PLGRKT: variants seen among roughly 807,000 people sequenced by gnomAD.
PLGRKT encodes plasminogen receptor (KT).
In PLGRKT, 22 loss-of-function variants were observed where a neutral mutation model predicts 18.5. The observed-to-expected ratio is 1.19, with a 90% CI of 0.85 to 1.70. The LOEUF (loss-of-function observed/expected upper bound fraction) is 1.70, where lower values mean the gene tolerates loss of function less well. Among genes scored for constraint, PLGRKT ranks in the 40% most tolerant of loss-of-function variants. PLGRKT has a pLI of 0.00. For synonymous variants in PLGRKT, 72 were observed against 52.8 expected, an observed-to-expected ratio of 1.36 and a Z score of -1.58; for missense variants, 235 against 174.4, an observed-to-expected ratio of 1.35 and a Z score of -1.96.
intron 3 of PLGRKT, among the ~76,000 whole-genome samples, chr9:5,406,318 A>C (rs1441198907): frequency 6.6e-6 from 1 of 152,194 alleles, no homozygotes; most frequent in African/African-American, 2.4e-5. Flanking sequence ...ACGTATGTTC[A>C]CTGCAGCACT....
At chr9:5,403,607 C>A (rs1276323143) in intron 3 of PLGRKT, among the ~76,000 whole-genome samples, 5 of 152,232 alleles carry the variant, frequency 3.3e-5, no homozygotes, top group African/African-American at 1.2e-4. Flanking sequence ...GATTGTTCTA[C>A]TAAAGCACAA....
chr9:5,372,674 G>A (rs142387339), intron 3 of PLGRKT, among the ~76,000 whole-genome samples: 4 of 152,254 alleles, frequency 2.6e-5, no homozygotes, highest in Non-Finnish European at 5.9e-5. Context: ...AGCTAATGTC[G>A]TCTCGAAGCT....
At chr9:5,401,060 T>C (rs1818144680) in intron 3 of PLGRKT, among the ~76,000 whole-genome samples, 1 of 151,906 alleles carries the variant, frequency 6.6e-6, no homozygotes, top group Non-Finnish European at 1.5e-5. Flanking sequence ...AAATTTTACT[T>C]TTTAAGGAAA....
rs747863307 is a variant in PLGRKT, at chr9:5,361,746, T to C, written c.212+12A>G. On this transcript the variant is annotated intron_variant, in intron 4 of 5. Coordinates refer to ENST00000223864, the MANE Select transcript of PLGRKT (RefSeq NM_018465.4). ...GTAAATGACTGAAGAAAATGTTAAA[T>C]AGCAAACATACCCAGCTGTTAAAGA... The C allele has an allele frequency of 5.0e-6, 8 of 1,590,772 alleles. No homozygotes were observed. The East Asian group carries it at 8.9e-5, about 18-fold the overall frequency.
intron 3 of PLGRKT, among the ~76,000 whole-genome samples, chr9:5,380,259 G>A (rs996666444): frequency 6.6e-6 from 1 of 151,704 alleles, no homozygotes; most frequent in Non-Finnish European, 1.5e-5. Context: ...CAGCTACTCG[G>A]GAGGCTGAGG....
chr9:5,433,270 G>A (rs149305033), intron 2 of PLGRKT, among the ~76,000 whole-genome samples: 5 of 148,356 alleles, frequency 3.4e-5, no homozygotes, highest in Admixed American at 2.0e-4. Flanking sequence ...TGGCCACCCC[G>A]TCTAGGAAGT....
At chr9:5,398,546 C>A (rs1818096059) in intron 3 of PLGRKT, among the ~76,000 whole-genome samples, 4 of 151,790 alleles carry the variant, frequency 2.6e-5, no homozygotes, top group Admixed American at 1.3e-4. Context: ...AATTTGATTT[C>A]TAAGTGAGTA....
In PLGRKT at chr9:5,362,581, A is replaced by G. The variant is rs141000380; in HGVS notation, c.82-693T>C. ...GAGAGTTATATTCTTGACAGAGAAAAGTGTTGTTGGCATTGTTGTTGATGT... is the reference window on the plus strand; with the variant it reads ...GAGAGTTATATTCTTGACAGAGAAAGGTGTTGTTGGCATTGTTGTTGATGT... On this transcript the variant is annotated intron_variant, in intron 3 of 5. Coordinates refer to ENST00000223864, the MANE Select transcript of PLGRKT (RefSeq NM_018465.4). 1.1e-4 allele frequency among the ~76,000 whole-genome samples: 17 copies of G among 152,280 alleles called. No homozygotes were observed. In the East Asian group the frequency reaches 2.3e-3, roughly 21 times the overall value.
At chr9:5,424,718 G>T (rs562588864) in intron 3 of PLGRKT, among the ~76,000 whole-genome samples, 1 of 130,316 alleles carries the variant, frequency 7.7e-6, no homozygotes, top group African/African-American at 3.3e-5. Flanking sequence ...GAGAGGGAGA[G>T]ACAGAGAGAG....
At position 5,393,460 on chromosome 9, in the gene PLGRKT, C is replaced by G. The variant is rs527343804; in HGVS notation, c.82-31572G>C. Among the ~76,000 whole-genome samples the G allele has an allele frequency of 4.3e-4, 65 of 151,894 alleles. 1 individual carries two copies. Among genetic ancestry groups the G allele is most frequent in the Admixed American group, 3.1e-3 (47 of 15,266 alleles). Reference sequence around the variant, plus strand: ...CCCAATATGGTAAGTGTAAATAATTCTAACAGTAATTTCTTGTTACTATAC... The same window carrying G: ...CCCAATATGGTAAGTGTAAATAATTGTAACAGTAATTTCTTGTTACTATAC... On this transcript the variant is annotated intron_variant, in intron 3 of 5. Coordinates refer to ENST00000223864, the MANE Select transcript of PLGRKT (RefSeq NM_018465.4).
intron 3 of PLGRKT, among the ~76,000 whole-genome samples, chr9:5,385,739 T>C (rs181877676): frequency 6.6e-6 from 1 of 151,858 alleles, no homozygotes; most frequent in African/African-American, 2.4e-5. Flanking sequence ...TGGTCTATTT[T>C]TGAGAGGCAA....
intron 3 of PLGRKT, among the ~76,000 whole-genome samples, chr9:5,409,232 G>A (rs912900732): frequency 2.0e-5 from 3 of 152,220 alleles, no homozygotes; most frequent in African/African-American, 7.2e-5. Flanking sequence ...CTGTGAGGGT[G>A]TTGCCAAAGG....
chr9:5,397,584 G>A (rs1475296221), intron 3 of PLGRKT, among the ~76,000 whole-genome samples: 1 of 151,660 alleles, frequency 6.6e-6, no homozygotes, highest in Non-Finnish European at 1.5e-5. Context: ...GATGGAGGGT[G>A]GGGGAAAGAA....
At chr9:5,381,363 C>G (rs1317613225) in intron 3 of PLGRKT, among the ~76,000 whole-genome samples, 1 of 152,238 alleles carries the variant, frequency 6.6e-6, no homozygotes, top group Non-Finnish European at 1.5e-5. Context: ...CCCAGCTGCT[C>G]CAGCTCCAGC....
intron 3 of PLGRKT, among the ~76,000 whole-genome samples, chr9:5,372,597 A>G (rs1586705857): frequency 6.6e-6 from 1 of 152,172 alleles, no homozygotes; most frequent in African/African-American, 2.4e-5. Flanking sequence ...CTCCACAGCT[A>G]CTGCCTCCTG....
intron 3 of PLGRKT, among the ~76,000 whole-genome samples, chr9:5,399,548 C>G (rs1195899846): frequency 6.6e-6 from 1 of 151,712 alleles, no homozygotes; most frequent in African/African-American, 2.4e-5. Context: ...ATTAAAGGTA[C>G]ATAGCACCAA....
At chr9:5,379,343 C>G (rs1027040496) in intron 3 of PLGRKT, among the ~76,000 whole-genome samples, 3 of 152,114 alleles carry the variant, frequency 2.0e-5, no homozygotes, top group African/African-American at 7.2e-5. Context: ...ATTGTCTTAC[C>G]TGCCAGACAT....
intron 3 of PLGRKT, among the ~76,000 whole-genome samples, chr9:5,410,623 T>A (rs549985841): frequency 6.6e-6 from 1 of 152,108 alleles, no homozygotes; most frequent in Non-Finnish European, 1.5e-5. Flanking sequence ...GAAAATTATG[T>A]TTTAGATTAT....
chr9:5,416,636 T>A (rs1337341974), intron 3 of PLGRKT, among the ~76,000 whole-genome samples: 2 of 151,848 alleles, frequency 1.3e-5, no homozygotes, highest in Non-Finnish European at 2.9e-5. Context: ...AATTATAGCT[T>A]GAAGGAGGAA....
Sources: allele counts gnomAD v4.1 joint callset (sites outside exome capture counted in the v4.1 genomes callset), GRCh38; gene constraint gnomAD v4.1.1; transcripts MANE v1.5; gene names NCBI Gene and HGNC (gene_info 2026-07-23, HGNC 2026-07-21).